RHOU: variants seen among roughly 807,000 people sequenced by gnomAD.
RHOU encodes ras homolog family member U.
Under a neutral mutation model 12.6 loss-of-function variants are expected in RHOU, and 8 were observed. The observed-to-expected ratio is 0.64, with a 90% CI of 0.37 to 1.15. The LOEUF (loss-of-function observed/expected upper bound fraction) is 1.15. Ranked by LOEUF, RHOU falls within the 50% of genes most tolerant of loss-of-function variation. The pLI, the probability that RHOU is intolerant of heterozygous loss-of-function variation, is 0.01. For synonymous variants in RHOU, 161 were observed against 147.4 expected, an observed-to-expected ratio of 1.09 and a Z score of -0.67; for missense variants, 258 against 347.0, an observed-to-expected ratio of 0.74 and a Z score of 2.04.
At chr1:228,687,985 CCCTT>C in the RHOU span, among the ~76,000 whole-genome samples, 121 of 145,126 alleles carry the variant, frequency 8.3e-4, no homozygotes, top group Admixed American at 8.2e-4. Flanking sequence ...CTCCCTCCCT[CCCTT>C]CCTTCCTTTC....
At position 228,737,151 on chromosome 1, in the gene RHOU, T is replaced by C. The variant is rs563223723; in HGVS notation, c.263-522T>C. 4.0e-4 allele frequency among the ~76,000 whole-genome samples: 61 copies of C among 152,164 alleles called. No homozygotes were observed. The Middle Eastern group carries it at 0.01, about 25-fold the overall frequency. ...TTTTAATCCTCCTTTTGACCTGACATAGAGATAAGGAGTGCCCTCATTTCT... is the reference window on the plus strand; with the variant it reads ...TTTTAATCCTCCTTTTGACCTGACACAGAGATAAGGAGTGCCCTCATTTCT... On this transcript the variant is annotated intron_variant, in intron 1 of 2. Transcript: ENST00000366691. The surrounding 1 kb of genome is among the most constrained non-coding windows in gnomAD (Gnocchi z 4.1).
the RHOU span, among the ~76,000 whole-genome samples, chr1:228,714,345 AAAAT>A: frequency 1.3e-5 from 2 of 152,206 alleles, no homozygotes; most frequent in Non-Finnish European, 2.9e-5. Flanking sequence ...TTGCTTCACA[AAAAT>A]AATTAGGAAA....
upstream of RHOU, chr1:228,735,096 G>A (rs1662564312): frequency 6.6e-6 from 1 of 152,330 alleles, no homozygotes; most frequent in South Asian, 2.1e-4. The surrounding 1 kb of genome is among the most constrained non-coding windows in gnomAD (Gnocchi z 8.1). Context: ...GGAGTGAATA[G>A]GAGGCGGCTC....
At chr1:228,650,202 C>G in the RHOU span, 1 of 456,812 alleles carries the variant, frequency 2.2e-6, no homozygotes, top group Non-Finnish European at 4.4e-6. Flanking sequence ...CCCCATGGGT[C>G]GCCCATGGGG....
the RHOU span, chr1:228,687,478 A>T: frequency 6.3e-7 from 1 of 1,576,140 alleles, no homozygotes. Context: ...GAACATGCTG[A>T]GAAACTGATG....
At chr1:228,713,690 GCAAATTAATCAAACC>G in the RHOU span, among the ~76,000 whole-genome samples, 1 of 152,118 alleles carries the variant, frequency 6.6e-6, no homozygotes, top group Non-Finnish European at 1.5e-5. Context: ...AGCCACTCTA[GCAAATTAATCAAACC>G]CAAGGAGAGG....
chr1:228,691,329 A>G, the RHOU span, among the ~76,000 whole-genome samples: 164 of 152,244 alleles, frequency 1.1e-3, no homozygotes, highest in South Asian at 0.019. Context: ...ACAAATGTGT[A>G]AGGACATGTT....
At chr1:228,674,537 A>G in the RHOU span, among the ~76,000 whole-genome samples, 6,081 of 150,968 alleles carry the variant, frequency 0.04, 349 homozygotes, top group African/African-American at 0.13. Flanking sequence ...GTAGAAACGG[A>G]GTTTCACCAT....
At chr1:228,648,735 T>C in the RHOU span, among the ~76,000 whole-genome samples, 1 of 152,214 alleles carries the variant, frequency 6.6e-6, no homozygotes, top group Non-Finnish European at 1.5e-5. Flanking sequence ...TTTTTATTTT[T>C]GAGACAGAGT....
the RHOU span, among the ~76,000 whole-genome samples, chr1:228,707,747 G>A: frequency 6.6e-6 from 1 of 152,188 alleles, no homozygotes; most frequent in African/African-American, 2.4e-5. Flanking sequence ...AAAAAGCAGA[G>A]TGCCTCTCCT....
chr1:228,664,959 CTTTAT>C, the RHOU span, among the ~76,000 whole-genome samples: 2 of 152,112 alleles, frequency 1.3e-5, no homozygotes, highest in Non-Finnish European at 2.9e-5. Context: ...GCTTGCCAAG[CTTTAT>C]TAACTAACAT....
At chr1:228,712,833 AAAATAAAAT>A in the RHOU span, among the ~76,000 whole-genome samples, 13,172 of 70,868 alleles carry the variant, frequency 0.19, 669 homozygotes, top group African/African-American at 0.31. Flanking sequence ...ATAAATAAAT[AAAATAAAAT>A]AAAATAAAAT....
chr1:228,661,280 A>C, the RHOU span, among the ~76,000 whole-genome samples: 4 of 152,206 alleles, frequency 2.6e-5, no homozygotes, highest in Non-Finnish European at 1.5e-5. Context: ...TTATAGATTC[A>C]ATGCCATCCC....
chr1:228,683,098 A>ATCTGGC, the RHOU span, among the ~76,000 whole-genome samples: 1,612 of 152,228 alleles, frequency 0.011, 28 homozygotes, highest in African/African-American at 0.037. Context: ...TGCCCAGAAG[A>ATCTGGC]AATTGCCACC....
Position 228,743,817 on chromosome 1 carries a change from T to C in RHOU, c.*77T>C. 1 of 1,247,658 alleles carries C rather than the reference T, an allele frequency of 8.0e-7. No homozygotes were observed. Among genetic ancestry groups the C allele is most frequent in the Non-Finnish European group, 1.1e-6 (1 of 886,188 alleles). The allele number at this position is 1,247,658 out of a possible 1,614,324, so 77.3% of individuals were successfully genotyped here. A position where few individuals can be genotyped will look rare whatever the true frequency, so the allele number is the denominator to read the frequency against. ...GCTATATTAGCTGAAACAACTCCTT[T>C]TACTGCGTAGAACCTATATCGAGAG... On this transcript the variant is annotated 3_prime_UTR_variant, in exon 3 of 3. Transcript: ENST00000366691. This position sits in a 1 kb window ranked among gnomAD's most constrained non-coding sequence, Gnocchi z 5.1.
chr1:228,707,572 C>T, the RHOU span, among the ~76,000 whole-genome samples: 30 of 152,036 alleles, frequency 2.0e-4, no homozygotes, highest in South Asian at 1.0e-3. Context: ...CGGCCGGGTA[C>T]TCCAGCAGAC....
the RHOU span, among the ~76,000 whole-genome samples, chr1:228,685,962 A>G: frequency 6.6e-6 from 1 of 152,210 alleles, no homozygotes; most frequent in African/African-American, 2.4e-5. Context: ...TATTCTGATC[A>G]GAGTTTATAA....
chr1:228,657,529 G>A, the RHOU span, among the ~76,000 whole-genome samples: 1 of 152,132 alleles, frequency 6.6e-6, no homozygotes, highest in Non-Finnish European at 1.5e-5. Context: ...TAAAATATAT[G>A]ACGCAAAACC....
chr1:228,681,653 C>T, the RHOU span, among the ~76,000 whole-genome samples: 3 of 151,940 alleles, frequency 2.0e-5, no homozygotes, highest in African/African-American at 7.3e-5. Context: ...CATTTTCTGG[C>T]CATTTAGAAC....
Sources: gnomAD v4.1 joint callset for allele counts (sites outside exome capture counted in the v4.1 genomes callset) on GRCh38, gnomAD v4.1.1 for gene constraint, Gnocchi (gnomAD v3.1) non-coding constraint, MANE v1.5 for transcripts, NCBI Gene and HGNC (gene_info 2026-07-23, HGNC 2026-07-21) for gene names.